Variants in YTHDF1 observed in about 807,000 individuals in gnomAD.
The protein encoded by YTHDF1 is YTH domain-containing family protein 1.
Under a neutral mutation model 49.1 loss-of-function variants are expected in YTHDF1, and 16 were observed. That is an observed-to-expected ratio of 0.33 (90% CI 0.22 to 0.49). The LOEUF (loss-of-function observed/expected upper bound fraction) is 0.49. Among genes scored for constraint, YTHDF1 ranks in the 20% least tolerant of loss-of-function variants. The probability of loss-of-function intolerance (pLI) is 0.99; values close to 1 mark genes in which losing one functional copy is unlikely to be tolerated. For missense variants in YTHDF1, 621 were observed against 744.3 expected, an observed-to-expected ratio of 0.83 and a Z score of 1.93; for synonymous variants, 313 against 290.1, an observed-to-expected ratio of 1.08 and a Z score of -0.80.
In YTHDF1 at chr20:63,215,584, A is replaced by G. The variant is rs2066597858; in HGVS notation, c.45T>C (p.Asp15=). 6.2e-7 allele frequency: 1 copy of G among 1,612,062 alleles called. No homozygotes were observed. Among genetic ancestry groups the G allele is most frequent in the Non-Finnish European group, 8.5e-7 (1 of 1,179,310 alleles). Reference sequence around the variant, plus strand: ...TCCCGGGACTCCGCTCACCTTTATTATCTTGTCCTTTTGTTCTCTGCACCG... The same window carrying G: ...TCCCGGGACTCCGCTCACCTTTATTGTCTTGTCCTTTTGTTCTCTGCACCG... ...SVDTQRTKGQ[D]NKVQNGSLHQ... Residue 15 remains aspartate (D), a synonymous_variant, in exon 2 of 5, where the codon GAT becomes GAC. Coordinates refer to ENST00000370339, the MANE Select transcript of YTHDF1 (RefSeq NM_017798.4).
intron 3 of YTHDF1, among the ~76,000 whole-genome samples, chr20:63,209,080 G>A (rs531715607): frequency 6.6e-6 from 1 of 152,342 alleles, no homozygotes; most frequent in South Asian, 2.1e-4. Context: ...TCTAAACACA[G>A]AAAAGGTACA....
intron 3 of YTHDF1, among the ~76,000 whole-genome samples, chr20:63,210,766 C>T (rs1407999640): frequency 3.3e-5 from 5 of 152,054 alleles, no homozygotes; most frequent in African/African-American, 1.2e-4. Flanking sequence ...CCATCCTGGG[C>T]AACAAGAGCG....
chr20:63,203,329 CCCA>C lies in YTHDF1; in HGVS notation c.608_610del (p.Val203del). ...CAGTGCCACGCTGCTGACGACAGAG[CCCA>C]CCGTCTTGACGGCGGAGGAGCTGAC... On this transcript the variant is annotated inframe_deletion, in exon 4 of 5. Coordinates refer to ENST00000370339, the MANE Select transcript of YTHDF1 (RefSeq NM_017798.4). This position sits in a 1 kb window ranked among gnomAD's most constrained non-coding sequence, Gnocchi z 4.4. 1.2e-6 allele frequency: 2 copies of C among 1,613,388 alleles called. No individual in the cohort carries two copies. The highest frequency in any genetic ancestry group is 1.7e-6 in the Non-Finnish European group (2 of 1,179,886).
At chr20:63,210,891 G>C (rs901351173) in intron 3 of YTHDF1, among the ~76,000 whole-genome samples, 3 of 152,186 alleles carry the variant, frequency 2.0e-5, no homozygotes, top group Non-Finnish European at 2.9e-5. Context: ...TCACAGACTA[G>C]AAGACAGATA....
chr20:63,215,315 C>T (rs902592638), intron 2 of YTHDF1, among the ~76,000 whole-genome samples: 1 of 152,216 alleles, frequency 6.6e-6, no homozygotes, highest in Non-Finnish European at 1.5e-5. Flanking sequence ...TCTCCTACCT[C>T]CCCTTCCCCA....
Position 63,203,223 on chromosome 20 carries a change from G to C in YTHDF1, c.717C>G (p.Ser239Arg), listed in dbSNP as rs758471720. 21 of 1,613,878 alleles carry C rather than the reference G, an allele frequency of 1.3e-5. No individual in the cohort carries two copies. Among genetic ancestry groups the C allele is most frequent in the Non-Finnish European group, 1.8e-5 (21 of 1,180,050 alleles). Residue 239 changes from serine to arginine, a missense_variant, in exon 4 of 5, where the codon AGC becomes AGG. Ser to Arg is a moderately radical substitution (Grantham distance 110, BLOSUM62 -1). Coordinates refer to ENST00000370339, the MANE Select transcript of YTHDF1 (RefSeq NM_017798.4). The surrounding 1 kb of genome is among the most constrained non-coding windows in gnomAD (Gnocchi z 4.4). The part of the protein sequence containing the change: ...SKPTSWAAIA[S>R]KPAKPQPKMK... ...TTTTAGGCTGTGGTTTTGCAGGCTT[G>C]CTGGCAATGGCAGCCCACGAGGTCG...
chr20:63,205,461 A>G (rs1430215693), intron 3 of YTHDF1, among the ~76,000 whole-genome samples: 1 of 152,068 alleles, frequency 6.6e-6, no homozygotes, highest in Non-Finnish European at 1.5e-5. Context: ...TTTATTTTCT[A>G]ATTTTCTTCC....
At chr20:63,207,291 A>ACCC (rs1191332881) in intron 3 of YTHDF1, among the ~76,000 whole-genome samples, 1 of 151,220 alleles carries the variant, frequency 6.6e-6, no homozygotes, top group Non-Finnish European at 1.5e-5. Context: ...ACACTGTAAA[A>ACCC]CCCCCCTCTC....
rs539670121 is a variant in YTHDF1 at position 63,208,575 on chromosome 20, C to T, written c.133-4768G>A. On this transcript the variant is annotated intron_variant, in intron 3 of 4. Coordinates refer to ENST00000370339, the MANE Select transcript of YTHDF1 (RefSeq NM_017798.4). ...GAGACAGCAGTTTCTGACAGAATTTCTGCATTTGTTTCAGCAACTTGCCAG... is the reference window on the plus strand; with the variant it reads ...GAGACAGCAGTTTCTGACAGAATTTTTGCATTTGTTTCAGCAACTTGCCAG... 1.9e-4 allele frequency among the ~76,000 whole-genome samples: 29 copies of T among 152,354 alleles called. No individual in the cohort carries two copies. The South Asian group carries it at 6.0e-3, about 32-fold the overall frequency.
intron 3 of YTHDF1, among the ~76,000 whole-genome samples, chr20:63,210,875 T>C (rs2066570656): frequency 6.6e-6 from 1 of 152,142 alleles, no homozygotes; most frequent in Non-Finnish European, 1.5e-5. Context: ...CCAACTCCCA[T>C]TCAAGTCACA....
At chr20:63,198,630 T>A (rs1382025313) in intron 4 of YTHDF1, among the ~76,000 whole-genome samples, 1 of 132,464 alleles carries the variant, frequency 7.5e-6, no homozygotes, top group Non-Finnish European at 1.6e-5. Context: ...CTCATAAAAT[T>A]TCTCAAAAAA....
chr20:63,196,525 A>T lies in YTHDF1; in HGVS notation c.*183T>A. 3.2e-6 allele frequency: 2 copies of T among 634,598 alleles called. No individual in the cohort carries two copies. The highest frequency in any genetic ancestry group is 5.5e-6 in the Non-Finnish European group (2 of 366,732). The allele number at this position is 634,598 out of a possible 1,614,324, so 39.3% of individuals were successfully genotyped here. On this transcript the variant is annotated 3_prime_UTR_variant, in exon 5 of 5. Coordinates refer to ENST00000370339, the MANE Select transcript of YTHDF1 (RefSeq NM_017798.4). ...CTCCTTTATTAGTGACTTCTACAGG[A>T]TTATAATACATAGAAAAAGTACAAA...
Position 63,203,871 on chromosome 20 carries a change from G to A in YTHDF1, c.133-64C>T, listed in dbSNP as rs549429114. On this transcript the variant is annotated intron_variant, in intron 3 of 4. Coordinates refer to ENST00000370339, the MANE Select transcript of YTHDF1 (RefSeq NM_017798.4). The surrounding 1 kb of genome is among the most constrained non-coding windows in gnomAD (Gnocchi z 4.4). The stretch of plus-strand genomic sequence containing the variant: ...ACACGAGATGCTGAGAATGCCAACC[G>A]CCTCTTGCTTAAGCACAGGTGGAGC... 429 of 1,477,042 alleles carry A rather than the reference G, an allele frequency of 2.9e-4. No homozygotes were observed. Among genetic ancestry groups the A allele is most frequent in the Non-Finnish European group, 3.7e-4 (403 of 1,096,702 alleles). The allele number at this position is 1,477,042 out of a possible 1,614,324, so 91.5% of individuals were successfully genotyped here. A position where few individuals can be genotyped will look rare whatever the true frequency, so the allele number is the denominator to read the frequency against.
In YTHDF1 at chr20:63,203,772, C is replaced by T; in HGVS notation, c.168G>A (p.Leu56=). Residue 56 remains leucine (L), a synonymous_variant, in exon 4 of 5, where the codon CTG becomes CTA. Transcript: ENST00000370339. The surrounding 1 kb of genome is among the most constrained non-coding windows in gnomAD (Gnocchi z 4.4). ...CAATGGACGGCGGGTAATAGCTGGA[C>T]AGGTAGGGGTCGCTCATTGAGGGGT... ...NSYPSMSDPY[L]SSYYPPSIGF... The T allele has an allele frequency of 6.2e-7, 1 of 1,612,966 alleles. No homozygotes were observed. The highest frequency in any genetic ancestry group is 8.5e-7 in the Non-Finnish European group (1 of 1,179,062).
Position 63,202,516 on chromosome 20 carries a change from T to A in YTHDF1, c.1424A>T (p.Asp475Val). 6.2e-7 allele frequency: 1 copy of A among 1,614,196 alleles called. No individual in the cohort carries two copies. The highest frequency in any genetic ancestry group is 8.5e-7 in the Non-Finnish European group (1 of 1,180,006). ...WSQDKWKGKF[D>V]VQWIFVKDVP... is the part of the protein sequence containing the mutation. ...ATCCTTAACAAAAATCCACTGGACA[T>A]CAAACTTCCCCTTCCACTTGTCCTG... Residue 475 changes from aspartate to valine, a missense_variant, in exon 4 of 5, where the codon GAT becomes GTT. Asp to Val is a radical substitution (Grantham distance 152). Coordinates refer to ENST00000370339, the MANE Select transcript of YTHDF1 (RefSeq NM_017798.4).
intron 4 of YTHDF1, among the ~76,000 whole-genome samples, chr20:63,200,484 C>G (rs2066512481): frequency 6.6e-6 from 1 of 152,142 alleles, no homozygotes; most frequent in Non-Finnish European, 1.5e-5. Context: ...GCTTGGCTAA[C>G]AGTTTAGGGG....
In YTHDF1 at chr20:63,214,987, A is replaced by G. The variant is rs1052349079; in HGVS notation, c.52+590T>C. Among the ~76,000 whole-genome samples, 4 of 152,192 alleles carry G rather than the reference A, an allele frequency of 2.6e-5. No homozygotes were observed. In the East Asian group the frequency reaches 7.7e-4, roughly 29 times the overall value. ...CAGCCAGAAAAAGCAAGCAAAGGTA[A>G]ATAAAGTGCTGGGCCTTTTCCAATC... On this transcript the variant is annotated intron_variant, in intron 2 of 4. Coordinates refer to ENST00000370339, the MANE Select transcript of YTHDF1 (RefSeq NM_017798.4).
Position 63,202,862 on chromosome 20 carries a change from G to C in YTHDF1, c.1078C>G (p.Pro360Ala). The part of the protein sequence containing the change: ...SPGNVQPNSA[P>A]SVESHPVLEK... ...AGGACGGGGTGGGATTCGACGCTGG[G>C]GGCAGAATTAGGCTGGACGTTTCCA... Residue 360 changes from proline (P) to alanine (A), a missense_variant, in exon 4 of 5, where the codon CCC (proline) becomes GCC (alanine). Pro to Ala is a conservative substitution (Grantham distance 27). Around this residue, in one of 2 missense-constraint regions of YTHDF1, gnomAD observed 470 missense variants for 495.8 expected, o/e 0.95. Coordinates refer to ENST00000370339, the MANE Select transcript of YTHDF1 (RefSeq NM_017798.4). The C allele has an allele frequency of 3.1e-6, 5 of 1,613,940 alleles. No individual in the cohort carries two copies. Among genetic ancestry groups the C allele is most frequent in the Non-Finnish European group, 4.2e-6 (5 of 1,180,056 alleles).
intron 4 of YTHDF1, 27 bp downstream of exon 4, chr20:63,202,260 G>T: frequency 6.3e-7 from 1 of 1,596,984 alleles, no homozygotes; most frequent in Non-Finnish European, 8.5e-7. Context: ...CATCTGCATG[G>T]CAGTTGCCTG....
Sources: gnomAD v4.1 joint callset for allele counts (sites outside exome capture counted in the v4.1 genomes callset) on GRCh38, gnomAD v4.1.1 for gene constraint, gnomAD v4.1.1 regional missense constraint, Gnocchi (gnomAD v3.1) non-coding constraint, MANE v1.5 for transcripts, NCBI Gene and HGNC (gene_info 2026-07-23, HGNC 2026-07-21) for gene names.